Variants in HS3ST4 observed in about 807,000 individuals in gnomAD.
HS3ST4 encodes the protein heparan sulfate glucosamine 3-O-sulfotransferase 4.
In HS3ST4, 17 loss-of-function variants were observed where a neutral mutation model predicts 29.2. The ratio of observed to expected loss-of-function variants is 0.58; its 90% CI spans 0.40 to 0.87. The LOEUF is 0.87. Ranked by LOEUF, HS3ST4 falls within the 40% of genes least tolerant of loss-of-function variation. The probability of loss-of-function intolerance (pLI) is 0.00; values close to 1 mark genes in which losing one functional copy is unlikely to be tolerated. For synonymous variants in HS3ST4, 314 were observed against 285.7 expected, an observed-to-expected ratio of 1.10 and a Z score of -1.00; for missense variants, 627 against 634.5, an observed-to-expected ratio of 0.99 and a Z score of 0.13.
chr16:25,719,533 T>C (rs1966479046), intron 1 of HS3ST4, among the ~76,000 whole-genome samples: 1 of 152,170 alleles, frequency 6.6e-6, no homozygotes, highest in Admixed American at 6.6e-5. Context: ...GATTCAGCAG[T>C]TTATCGGTAT....
At position 25,878,420 on chromosome 16, in the gene HS3ST4, C is replaced by G. The variant is rs1369095830; in HGVS notation, c.734+185269C>G. The stretch of plus-strand genomic sequence containing the variant: ...GTTTGTTTAATGATGCTCAGAAGTG[C>G]TAGTATCTATCAGAATGGTACCCAA... On this transcript the variant is annotated intron_variant, in intron 1 of 1. Coordinates refer to ENST00000331351, the MANE Select transcript of HS3ST4 (RefSeq NM_006040.3). Among the ~76,000 whole-genome samples the G allele has an allele frequency of 2.0e-5, 3 of 152,254 alleles. No homozygotes were observed. The East Asian group carries it at 5.8e-4, about 29-fold the overall frequency.
chr16:25,791,027 C>A (rs1201242296), intron 1 of HS3ST4, among the ~76,000 whole-genome samples: 1 of 151,832 alleles, frequency 6.6e-6, no homozygotes, highest in Non-Finnish European at 1.5e-5. Context: ...CTGTATTTTT[C>A]AAACAGAGCT....
At chr16:25,901,542 G>T (rs916577246) in intron 1 of HS3ST4, among the ~76,000 whole-genome samples, 1 of 152,124 alleles carries the variant, frequency 6.6e-6, no homozygotes, top group Middle Eastern at 3.2e-3. Flanking sequence ...GTGGTGGCTG[G>T]TGCACATCTG....
At chr16:25,820,980 G>C (rs1967149025) in intron 1 of HS3ST4, among the ~76,000 whole-genome samples, 1 of 151,782 alleles carries the variant, frequency 6.6e-6, no homozygotes, top group Non-Finnish European at 1.5e-5. Context: ...CTTTGCTATA[G>C]CTTTTTTGAT....
chr16:25,822,699 G>T (rs903096449), intron 1 of HS3ST4, among the ~76,000 whole-genome samples: 4 of 151,948 alleles, frequency 2.6e-5, no homozygotes, highest in Admixed American at 6.6e-5. Context: ...GAGGGTGGGT[G>T]GGGGAAGAAG....
chr16:25,710,203 G>T (rs1050019695), intron 1 of HS3ST4, among the ~76,000 whole-genome samples: 3 of 152,164 alleles, frequency 2.0e-5, no homozygotes, highest in African/African-American at 7.2e-5. Context: ...CTAGTGTTTT[G>T]ACTTAAAAAT....
At chr16:25,965,339 A>G (rs1213614774) in intron 1 of HS3ST4, among the ~76,000 whole-genome samples, 1 of 150,494 alleles carries the variant, frequency 6.6e-6, no homozygotes, top group Non-Finnish European at 1.5e-5. Context: ...TGAACCTGGG[A>G]GGCGGAGGTT....
At chr16:26,122,222 C>T (rs1899285971) in intron 1 of HS3ST4, among the ~76,000 whole-genome samples, 1 of 151,310 alleles carries the variant, frequency 6.6e-6, no homozygotes. Context: ...CATGCACACG[C>T]ATACACACAC....
At position 25,828,242 on chromosome 16, in the gene HS3ST4, C is replaced by CTTTCTTTTTCTA. The variant is rs1371928058; in HGVS notation, c.734+135092_734+135093insTTCTTTTTCTAT. Among the ~76,000 whole-genome samples the CTTTCTTTTTCTA allele has an allele frequency of 6.8e-4, 51 of 75,032 alleles. 1 individual carries two copies. The highest frequency in any genetic ancestry group is 7.1e-3 in the Middle Eastern group (1 of 140). The allele number at this position is 75,032 out of a possible 152,430, so 49.2% of individuals were successfully genotyped here. ...CTTTCCTTTCTTTCTTTCTTTCTTT[C>CTTTCTTTTTCTA]TCTTTCTTTCTTTCTTTCTTTCTTT... On this transcript the variant is annotated intron_variant, in intron 1 of 1. Coordinates refer to ENST00000331351, the MANE Select transcript of HS3ST4 (RefSeq NM_006040.3).
At chr16:25,858,965 G>A (rs1244695742) in intron 1 of HS3ST4, among the ~76,000 whole-genome samples, 1 of 151,958 alleles carries the variant, frequency 6.6e-6, no homozygotes, top group Non-Finnish European at 1.5e-5. Context: ...GTTTGGGTTT[G>A]GAACTCAAAC....
At chr16:25,944,821 A>G (rs1338865334) in intron 1 of HS3ST4, among the ~76,000 whole-genome samples, 1 of 152,180 alleles carries the variant, frequency 6.6e-6, no homozygotes, top group Non-Finnish European at 1.5e-5. Context: ...CATCAATAAA[A>G]GCCCCCAGAA....
chr16:26,093,417 T>A (rs1162171371), intron 1 of HS3ST4, among the ~76,000 whole-genome samples: 1 of 152,196 alleles, frequency 6.6e-6, no homozygotes, highest in Non-Finnish European at 1.5e-5. Context: ...CAATATTTGC[T>A]GTTCTGCAAT....
intron 1 of HS3ST4, among the ~76,000 whole-genome samples, chr16:25,800,092 GCCTTCCTT>G (rs369585373): frequency 7.4e-6 from 1 of 134,444 alleles, no homozygotes; most frequent in South Asian, 2.3e-4. Flanking sequence ...CTTCCTTCCT[GCCTTCCTT>G]CCTTCCTGCC....
At chr16:25,813,323 C>T (rs55914613) in intron 1 of HS3ST4, among the ~76,000 whole-genome samples, 8,094 of 152,162 alleles carry the variant, frequency 0.053, 336 homozygotes, top group East Asian at 0.1. Context: ...AGCAACTGGG[C>T]GGAACATTAA....
At chr16:25,907,487 T>C (rs968766067) in intron 1 of HS3ST4, among the ~76,000 whole-genome samples, 1 of 152,148 alleles carries the variant, frequency 6.6e-6, no homozygotes, top group Non-Finnish European at 1.5e-5. Context: ...TCTATCTATT[T>C]CTAAAAGATA....
At chr16:25,974,652 A>G (rs112707081) in intron 1 of HS3ST4, among the ~76,000 whole-genome samples, 289 of 152,350 alleles carry the variant, frequency 1.9e-3, no homozygotes, top group African/African-American at 6.8e-3. Context: ...CTCCAAGGGT[A>G]GGAAATAACA....
chr16:26,033,023 G>T (rs1473858171), intron 1 of HS3ST4, among the ~76,000 whole-genome samples: 1 of 152,016 alleles, frequency 6.6e-6, no homozygotes, highest in Non-Finnish European at 1.5e-5. Flanking sequence ...TCCATGGGAG[G>T]GTATATACGA....
At chr16:25,933,319 T>C (rs1968484379) in intron 1 of HS3ST4, 4 of 500,914 alleles carry the variant, frequency 8.0e-6, no homozygotes, top group Non-Finnish European at 1.2e-5. Context: ...AAGGTTAGTT[T>C]CTCTAATTCT....
intron 1 of HS3ST4, among the ~76,000 whole-genome samples, chr16:25,798,414 A>G (rs1263775968): frequency 6.6e-6 from 1 of 152,234 alleles, no homozygotes; most frequent in East Asian, 1.9e-4. Flanking sequence ...TCTTGGATTC[A>G]GGCTAATAGA....
Sources: allele counts gnomAD v4.1 joint callset (sites outside exome capture counted in the v4.1 genomes callset), GRCh38; gene constraint gnomAD v4.1.1; transcripts MANE v1.5; gene names NCBI Gene and HGNC (gene_info 2026-07-23, HGNC 2026-07-21).